The following MARCHF11 variants were observed in gnomAD, a reference collection of about 807,000 sequenced individuals.
MARCHF11 encodes E3 ubiquitin-protein ligase MARCHF11.
Under a neutral mutation model 37.3 loss-of-function variants are expected in MARCHF11, and 29 were observed. The ratio of observed to expected loss-of-function variants is 0.78; its 90% CI spans 0.58 to 1.06. The LOEUF is 1.06. Among genes scored for constraint, MARCHF11 ranks in the 50% least tolerant of loss-of-function variants. The probability of loss-of-function intolerance (pLI) is 0.00; values close to 1 mark genes in which losing one functional copy is unlikely to be tolerated. For synonymous variants in MARCHF11, 233 were observed against 228.0 expected (o/e 1.02, Z -0.20); for missense variants, 482 against 533.4 (o/e 0.90, Z 0.95).
intron 2 of MARCHF11, among the ~76,000 whole-genome samples, chr5:16,146,262 G>A (rs867195874): frequency 6.6e-6 from 1 of 152,098 alleles, no homozygotes; most frequent in Non-Finnish European, 1.5e-5. Context: ...CTCGCAGTGG[G>A]CTTCTTTATA....
At chr5:16,164,314 T>C (rs932043045) in intron 2 of MARCHF11, among the ~76,000 whole-genome samples, 1 of 152,056 alleles carries the variant, frequency 6.6e-6, no homozygotes, top group African/African-American at 2.4e-5. Context: ...ACAGTAATAG[T>C]TGTAAACTTC....
intron 2 of MARCHF11, among the ~76,000 whole-genome samples, chr5:16,091,936 T>C (rs2126557577): frequency 6.6e-6 from 1 of 152,360 alleles, no homozygotes; most frequent in African/African-American, 2.4e-5. Flanking sequence ...TATTAAGGTT[T>C]GCCAGTAAAC....
chr5:16,109,317 C>T (rs548958702), intron 2 of MARCHF11, among the ~76,000 whole-genome samples: 16 of 152,268 alleles, frequency 1.1e-4, no homozygotes, highest in East Asian at 1.9e-4. Context: ...TTTTTAGCCC[C>T]GCTTCCTGAA....
intron 2 of MARCHF11, among the ~76,000 whole-genome samples, chr5:16,145,925 T>G (rs931334705): frequency 1.3e-5 from 2 of 152,198 alleles, no homozygotes; most frequent in Admixed American, 1.3e-4. Context: ...TTTTATGAAC[T>G]GAACCTCTGA....
At chr5:16,178,924 C>G (rs1738411410) in intron 1 of MARCHF11, 115 bp downstream of exon 1, 5 of 1,242,348 alleles carry the variant, frequency 4.0e-6, no homozygotes, top group South Asian at 4.0e-5. Flanking sequence ...CAGAACCAGA[C>G]GAGCCTCACT....
intron 3 of MARCHF11, among the ~76,000 whole-genome samples, chr5:16,090,592 A>G (rs1010548694): frequency 6.6e-6 from 1 of 152,070 alleles, no homozygotes; most frequent in African/African-American, 2.4e-5. Context: ...ATAAATTACT[A>G]TCCTTATATC....
chr5:16,172,189 T>C (rs1233902610), intron 2 of MARCHF11, among the ~76,000 whole-genome samples: 1 of 152,212 alleles, frequency 6.6e-6, no homozygotes, highest in African/African-American at 2.4e-5. Context: ...GTTATAGTAG[T>C]ATACAAAGTA....
At chr5:16,091,493 A>G (rs529743463) in intron 2 of MARCHF11, among the ~76,000 whole-genome samples, 1 of 152,360 alleles carries the variant, frequency 6.6e-6, no homozygotes, top group South Asian at 2.1e-4. Flanking sequence ...CTGCAAAAAG[A>G]GGGAACTGTC....
intron 2 of MARCHF11, among the ~76,000 whole-genome samples, chr5:16,114,254 T>G (rs1425826496): frequency 6.6e-6 from 1 of 152,234 alleles, no homozygotes; most frequent in Non-Finnish European, 1.5e-5. Flanking sequence ...ACAATCCTCC[T>G]TCTTAATTCT....
At chr5:16,074,594 T>C (rs1449819824) in intron 3 of MARCHF11, among the ~76,000 whole-genome samples, 1 of 152,100 alleles carries the variant, frequency 6.6e-6, no homozygotes, top group African/African-American at 2.4e-5. Context: ...CATGTAAAAT[T>C]CACAGAACCA....
chr5:16,072,529 T>TGC (rs1178048172), intron 3 of MARCHF11, among the ~76,000 whole-genome samples: 1 of 151,874 alleles, frequency 6.6e-6, no homozygotes, highest in African/African-American at 2.4e-5. Flanking sequence ...TGTGTGTGTG[T>TGC]GTGTGTGTGT....
chr5:16,073,798 T>A (rs1032104211), intron 3 of MARCHF11, among the ~76,000 whole-genome samples: 1 of 152,118 alleles, frequency 6.6e-6, no homozygotes, highest in African/African-American at 2.4e-5. Flanking sequence ...TATGAGCATT[T>A]TGTGAATATG....
chr5:16,141,930 C>T (rs114159819), intron 2 of MARCHF11, among the ~76,000 whole-genome samples: 25 of 152,284 alleles, frequency 1.6e-4, no homozygotes, highest in African/African-American at 5.5e-4. Flanking sequence ...TTGCTGCATT[C>T]GTGGGGGGAT....
chr5:16,137,978 T>G (rs1435445014), intron 2 of MARCHF11, among the ~76,000 whole-genome samples: 1 of 152,164 alleles, frequency 6.6e-6, no homozygotes, highest in East Asian at 1.9e-4. Flanking sequence ...GAACTTATGT[T>G]TAAGAGCGAA....
At chr5:16,074,285 C>T (rs1251839838) in intron 3 of MARCHF11, among the ~76,000 whole-genome samples, 2 of 152,194 alleles carry the variant, frequency 1.3e-5, no homozygotes, top group South Asian at 2.1e-4. Flanking sequence ...GCATTAAATG[C>T]CTACATCAAA....
chr5:16,068,165 G>A (rs1736380229), intron 3 of MARCHF11, among the ~76,000 whole-genome samples: 1 of 152,124 alleles, frequency 6.6e-6, no homozygotes, highest in Non-Finnish European at 1.5e-5. Context: ...CAATGTGTTA[G>A]GGGCTTGAAC....
At chr5:16,122,646 G>A (rs561037618) in intron 2 of MARCHF11, among the ~76,000 whole-genome samples, 18 of 152,050 alleles carry the variant, frequency 1.2e-4, no homozygotes, top group East Asian at 1.9e-4. Context: ...TCCCTTCCTC[G>A]TCTCTAGCCT....
intron 3 of MARCHF11, among the ~76,000 whole-genome samples, chr5:16,080,943 A>G (rs573406468): frequency 6.6e-6 from 1 of 152,092 alleles, no homozygotes; most frequent in Admixed American, 6.6e-5. Flanking sequence ...CTCCACCCAC[A>G]GGCTCCTTTT....
At chr5:16,158,084 A>G (rs895160704) in intron 2 of MARCHF11, among the ~76,000 whole-genome samples, 1 of 152,004 alleles carries the variant, frequency 6.6e-6, no homozygotes, top group African/African-American at 2.4e-5. Flanking sequence ...AATGCCCAGC[A>G]TTACTAATCA....
Sources: allele counts gnomAD v4.1 joint callset (sites outside exome capture counted in the v4.1 genomes callset), GRCh38; gene constraint gnomAD v4.1.1; transcripts MANE v1.5; gene names NCBI Gene and HGNC (gene_info 2026-07-23, HGNC 2026-07-21).